DMGDH: variants seen among roughly 807,000 people sequenced by gnomAD.
DMGDH encodes the protein dimethylglycine dehydrogenase, also known as dimethylglycine dehydrogenase, mitochondrial.
DMGDH carries 76 observed loss-of-function variants against 95.2 expected under a neutral mutation model. That is an observed-to-expected ratio of 0.80 (90% CI 0.66 to 0.97). The LOEUF (loss-of-function observed/expected upper bound fraction) is 0.97. DMGDH is among the 50% of genes least tolerant of loss of function. The pLI is 0.00. For missense variants in DMGDH, 987 were observed against 1,055.0 expected, an observed-to-expected ratio of 0.94 and a Z score of 0.89; for synonymous variants, 345 against 377.6, an observed-to-expected ratio of 0.91 and a Z score of 1.00.
At chr5:79,002,981 GA>G (rs938503507) in intron 15 of DMGDH, among the ~76,000 whole-genome samples, 6 of 152,166 alleles carry the variant, frequency 3.9e-5, no homozygotes, top group Non-Finnish European at 8.8e-5. Context: ...TAGGGCAAAG[GA>G]AAAAACCTTT....
At chr5:79,024,239 T>G in intron 14 of DMGDH, 32 bp downstream of exon 14, 3 of 1,592,314 alleles carry the variant, frequency 1.9e-6, no homozygotes, top group Non-Finnish European at 2.6e-6. Flanking sequence ...TGTTAAGATT[T>G]ACTTCAAGCA....
At chr5:79,006,791 C>T (rs1580182964) in intron 14 of DMGDH, among the ~76,000 whole-genome samples, 3 of 152,138 alleles carry the variant, frequency 2.0e-5, no homozygotes, top group Admixed American at 2.0e-4. Flanking sequence ...TGTAATAAAT[C>T]CCCTTAACCT....
intron 14 of DMGDH, among the ~76,000 whole-genome samples, chr5:79,007,986 C>A (rs1753580072): frequency 6.6e-6 from 1 of 151,824 alleles, no homozygotes; most frequent in Non-Finnish European, 1.5e-5. Flanking sequence ...AATGTTTTAA[C>A]AGAAAAAAAG....
chr5:79,007,123 C>G (rs748409586), intron 14 of DMGDH, among the ~76,000 whole-genome samples: 7 of 152,048 alleles, frequency 4.6e-5, no homozygotes, highest in Non-Finnish European at 8.8e-5. Flanking sequence ...TAATATAGGA[C>G]AAATGGGGGT....
rs1000517898 is a variant in DMGDH at position 79,037,489 on chromosome 5, C to T, written c.1194-4081G>A. ...TCTTAGAAACCTCAACTTTAGGTAACGGGAAGGCTTTTTTGGTTTAGACCA... is the reference window on the plus strand; with the variant it reads ...TCTTAGAAACCTCAACTTTAGGTAATGGGAAGGCTTTTTTGGTTTAGACCA... On this transcript the variant is annotated intron_variant, in intron 7 of 15. Transcript: ENST00000255189. Among the ~76,000 whole-genome samples the T allele has an allele frequency of 3.1e-4, 47 of 152,144 alleles. 2 individuals carry two copies. The highest frequency in any genetic ancestry group is 1.1e-3 in the African/African-American group (46 of 41,410).
chr5:79,000,608 C>T lies in DMGDH; in HGVS notation c.2386-2311G>A, dbSNP rs931910038. On this transcript the variant is annotated intron_variant, in intron 15 of 15. Transcript: ENST00000255189. ...TCTGGCTGACATGCAAAAATGAGAT[C>T]ATCTTCACATTCAACATCTTCCTCT... The T allele has an allele frequency of 4.9e-6, 3 of 614,476 alleles. No homozygotes were observed. The African/African-American group carries it at 5.5e-5, about 11-fold the overall frequency. 38.1% of individuals were successfully genotyped at this position (614,476 alleles called of 1,614,324 possible).
chr5:79,067,225 T>C (rs1755406249), intron 1 of DMGDH, among the ~76,000 whole-genome samples: 1 of 152,220 alleles, frequency 6.6e-6, no homozygotes, highest in South Asian at 2.1e-4. Context: ...TCAGCAGTTT[T>C]GTTTCACCGG....
intron 13 of DMGDH, among the ~76,000 whole-genome samples, chr5:79,025,098 C>T (rs1341217261): frequency 2.6e-5 from 4 of 152,120 alleles, no homozygotes; most frequent in Non-Finnish European, 5.9e-5. Flanking sequence ...TTCAAAATTT[C>T]AGAATTTCTT....
chr5:79,063,531 G>A, intron 2 of DMGDH, 82 bp downstream of exon 2: 1 of 1,542,572 alleles, frequency 6.5e-7, no homozygotes, highest in Non-Finnish European at 8.9e-7. Context: ...AGAGCTCACA[G>A]TTGGGAGTTG....
intron 5 of DMGDH, among the ~76,000 whole-genome samples, chr5:79,045,494 A>T (rs1375733921): frequency 6.6e-6 from 1 of 152,218 alleles, no homozygotes; most frequent in African/African-American, 2.4e-5. Context: ...GCCACACTGG[A>T]CATCCTGTAA....
chr5:79,019,459 T>TA (rs11300742), intron 14 of DMGDH, among the ~76,000 whole-genome samples: 276 of 148,118 alleles, frequency 1.9e-3, no homozygotes, highest in South Asian at 0.017. Context: ...TTCACTGCAT[T>TA]AAAAAAAAAA....
At chr5:79,032,878 C>A (rs1326586196) in intron 8 of DMGDH, 38 bp from the exon 9 acceptor site, 1 of 1,611,164 alleles carries the variant, frequency 6.2e-7, no homozygotes, top group Admixed American at 1.7e-5. Context: ...TCACATATAG[C>A]CAAAACAACA....
Position 78,998,259 on chromosome 5 carries a change from G to T in DMGDH, c.2424C>A (p.Ser808Arg). 6.2e-7 allele frequency: 1 copy of T among 1,614,084 alleles called. No homozygotes were observed. The highest frequency in any genetic ancestry group is 8.5e-7 in the Non-Finnish European group (1 of 1,179,986). Reference protein sequence around the residue: ...GNTTSGSYSYSIQKSLAFAYV... With the variant: ...GNTTSGSYSYRIQKSLAFAYV... ...ATGCGAAAGCCAGACTCTTCTGGAT[G>T]CTGTAGCTATAGCTTCCAGATGTCG... The change falls in exon 16 of 16, where the codon AGC (serine) becomes AGA (arginine). Residue 808 changes from serine (S) to arginine (R), a missense_variant. Physicochemically the swap from Ser to Arg is moderately radical, Grantham distance 110. Coordinates refer to ENST00000255189, the MANE Select transcript of DMGDH (RefSeq NM_013391.3).
intron 1 of DMGDH, among the ~76,000 whole-genome samples, chr5:79,067,807 T>C (rs1332716274): frequency 6.6e-6 from 1 of 152,232 alleles, no homozygotes; most frequent in Non-Finnish European, 1.5e-5. Context: ...GTATTAGAAA[T>C]GATAAGCACA....
At chr5:79,016,918 G>C (rs955755775) in intron 14 of DMGDH, among the ~76,000 whole-genome samples, 1 of 152,032 alleles carries the variant, frequency 6.6e-6, no homozygotes, top group African/African-American at 2.4e-5. Context: ...TACTGACGAA[G>C]ATATAAAGGC....
intron 5 of DMGDH, among the ~76,000 whole-genome samples, chr5:79,046,846 C>A (rs1446211169): frequency 6.6e-6 from 1 of 152,060 alleles, no homozygotes; most frequent in Admixed American, 6.5e-5. Context: ...ATAGTATCCC[C>A]AATATATTTG....
intron 14 of DMGDH, among the ~76,000 whole-genome samples, chr5:79,007,336 T>C (rs1273568511): frequency 1.3e-5 from 2 of 152,148 alleles, no homozygotes; most frequent in African/African-American, 2.4e-5. Context: ...TTCGTGGGAT[T>C]TGAAACCCAT....
At chr5:79,017,518 C>T (rs1753757328) in intron 14 of DMGDH, among the ~76,000 whole-genome samples, 1 of 152,112 alleles carries the variant, frequency 6.6e-6, no homozygotes, top group Admixed American at 6.5e-5. Context: ...AAGTATTTGA[C>T]AAGGATGTAG....
intron 7 of DMGDH, among the ~76,000 whole-genome samples, chr5:79,040,698 G>C (rs1754484755): frequency 6.6e-6 from 1 of 152,136 alleles, no homozygotes; most frequent in South Asian, 2.1e-4. Context: ...GAAAAGTTCT[G>C]CAAATCATGT....
Sources: gnomAD v4.1 joint callset for allele counts (sites outside exome capture counted in the v4.1 genomes callset) on GRCh38, gnomAD v4.1.1 for gene constraint, MANE v1.5 for transcripts, NCBI Gene and HGNC (gene_info 2026-07-23, HGNC 2026-07-21) for gene names.